CYP46A1: variants seen among roughly 807,000 people sequenced by gnomAD.
The protein encoded by CYP46A1 is cytochrome P450 family 46 subfamily A member 1.
In CYP46A1, 20 loss-of-function variants were observed where a neutral mutation model predicts 63.3. The ratio of observed to expected loss-of-function variants is 0.32; its 90% CI spans 0.22 to 0.46. The LOEUF is 0.46. Ranked by LOEUF, CYP46A1 falls within the 20% of genes least tolerant of loss-of-function variation. The pLI is 1.00. For synonymous variants in CYP46A1, 268 were observed against 273.6 expected (o/e 0.98, Z 0.20); for missense variants, 445 against 670.8 (o/e 0.66, Z 3.72).
chr14:99,721,791 C>T (rs564117769), intron 11 of CYP46A1, among the ~76,000 whole-genome samples, 165 bp from the exon 12 acceptor site: 48 of 152,178 alleles, frequency 3.2e-4, no homozygotes, highest in African/African-American at 1.0e-3. Context: ...CCATCTGTCA[C>T]GTGACGGTGA....
At chr14:99,724,626 G>A (rs1051898422) in intron 12 of CYP46A1, among the ~76,000 whole-genome samples, 2 of 152,184 alleles carry the variant, frequency 1.3e-5, no homozygotes, top group Non-Finnish European at 2.9e-5. Context: ...GTTAGGTGGG[G>A]GGAGTGGTGA....
In CYP46A1 at chr14:99,691,128, G is replaced by C; in HGVS notation, c.167G>C (p.Gly56Ala). ...TGCTTTTGGAAAAAGGATGAGGTTGGTGGCCGTGTGCTCCAAGATGTGTTT... is the reference window on the plus strand; with the variant it reads ...TGCTTTTGGAAAAAGGATGAGGTTGCTGGCCGTGTGCTCCAAGATGTGTTT... ...LPCFWKKDEV[G>A]GRVLQDVFLD... The change falls in exon 2 of 15, where the codon GGT (glycine) becomes GCT (alanine). Residue 56 changes from glycine (G) to alanine (A), a missense_variant. By Grantham distance (60) the Gly-to-Ala change is moderately conservative (BLOSUM62 0). Around this residue, in one of 4 missense-constraint regions of CYP46A1, gnomAD observed 252 missense variants for 383.3 expected, o/e 0.66. Transcript: ENST00000261835. 6.2e-7 allele frequency: 1 copy of C among 1,614,166 alleles called. No individual in the cohort carries two copies. The highest frequency in any genetic ancestry group is 8.5e-7 in the Non-Finnish European group (1 of 1,180,028).
At chr14:99,702,213 C>G (rs528097100) in intron 5 of CYP46A1, among the ~76,000 whole-genome samples, 2 of 152,162 alleles carry the variant, frequency 1.3e-5, no homozygotes, top group African/African-American at 4.8e-5. Flanking sequence ...AATATGTAGT[C>G]CTTTATGCCT....
intron 6 of CYP46A1, 63 bp from the exon 7 acceptor site, chr14:99,707,505 T>A: frequency 7.4e-7 from 1 of 1,354,900 alleles, no homozygotes; most frequent in Non-Finnish European, 1.1e-6. Context: ...GATGCCAGGC[T>A]TTGCCCTGGA....
intron 5 of CYP46A1, among the ~76,000 whole-genome samples, chr14:99,703,483 C>T (rs942770393): frequency 5.9e-5 from 9 of 152,168 alleles, no homozygotes; most frequent in African/African-American, 2.2e-4. Flanking sequence ...CATTCACCCT[C>T]AGTCTGCCCC....
chr14:99,708,025 C>T (rs1188047794), intron 7 of CYP46A1: 2 of 284,184 alleles, frequency 7.0e-6, no homozygotes, highest in Middle Eastern at 1.2e-3. Context: ...AAGATGGCTG[C>T]TGCGAAAGGT....
In CYP46A1 at chr14:99,684,370, C is replaced by G; in HGVS notation, c.-48C>G. On this transcript the variant is annotated 5_prime_UTR_variant, in exon 1 of 15. Transcript: ENST00000261835. ...GAGTCGGCTCGCGGCCTCCCGGCCC[C>G]CTCGGCGCCCGGCCCGACCCTGGCC... 1.7e-6 allele frequency: 2 copies of G among 1,204,930 alleles called. No individual in the cohort carries two copies. Among genetic ancestry groups the G allele is most frequent in the Non-Finnish European group, 2.1e-6 (2 of 956,296 alleles). 74.6% of individuals were successfully genotyped at this position (1,204,930 alleles called of 1,614,324 possible). A position where few individuals can be genotyped will look rare whatever the true frequency, so the allele number is the denominator to read the frequency against.
chr14:99,691,808 G>T lies in CYP46A1; in HGVS notation c.229G>T (p.Val77Phe). The change falls in exon 3 of 15, where the codon GTC (valine) becomes TTC (phenylalanine). Residue 77 changes from valine to phenylalanine, a missense_variant. Physicochemically the swap from Val to Phe is conservative, Grantham distance 50. Around this residue, in one of 4 missense-constraint regions of CYP46A1, gnomAD observed 252 missense variants for 383.3 expected, o/e 0.66. Transcript: ENST00000261835. ...TAAGAAGTATGGACCTGTTGTGCGG[G>T]TCAACGTCTTCCACAAAACCTCAGT... ...WAKKYGPVVRVNVFHKTSVIV... is the reference protein window; with the variant it reads ...WAKKYGPVVRFNVFHKTSVIV... The T allele has an allele frequency of 6.2e-7, 1 of 1,614,218 alleles. No homozygotes were observed. The highest frequency in any genetic ancestry group is 8.5e-7 in the Non-Finnish European group (1 of 1,180,040).
chr14:99,718,707 C>T (rs929473080), intron 10 of CYP46A1, among the ~76,000 whole-genome samples: 1 of 152,044 alleles, frequency 6.6e-6, no homozygotes, highest in Non-Finnish European at 1.5e-5. Flanking sequence ...TCTGAATGCA[C>T]CAACAGGCTG....
intron 9 of CYP46A1, 150 bp downstream of exon 9, chr14:99,716,349 C>G (rs2056790542): frequency 1.3e-6 from 1 of 762,746 alleles, no homozygotes; most frequent in Non-Finnish European, 2.2e-6. Context: ...GGAGCAGAAG[C>G]CCCATCTCCT....
chr14:99,694,644 C>T (rs1234226248), intron 3 of CYP46A1, among the ~76,000 whole-genome samples: 4 of 152,002 alleles, frequency 2.6e-5, no homozygotes, highest in South Asian at 2.1e-4. Context: ...GGATTACAGG[C>T]GCCCACCACT....
chr14:99,691,182 T>A (rs778463189), intron 2 of CYP46A1, 21 bp downstream of exon 2: 1 of 1,613,536 alleles, frequency 6.2e-7, no homozygotes, highest in East Asian at 2.2e-5. Context: ...ATTTGTCACT[T>A]GTTGCCCTTA....
At chr14:99,718,398 G>T (rs1013676464) in intron 10 of CYP46A1, among the ~76,000 whole-genome samples, 1 of 152,196 alleles carries the variant, frequency 6.6e-6, no homozygotes, top group African/African-American at 2.4e-5. Flanking sequence ...CGACTCATGA[G>T]TGTGTTTCCC....
intron 3 of CYP46A1, chr14:99,695,604 T>TTTTA (rs376658557): frequency 7.0e-6 from 1 of 142,852 alleles, no homozygotes; most frequent in Non-Finnish European, 1.5e-5. Flanking sequence ...CCATTCCAGC[T>TTTTA]TTATTATTAT....
chr14:99,696,119 G>A lies in CYP46A1; in HGVS notation c.283-3347G>A, dbSNP rs558811454. Among the ~76,000 whole-genome samples the A allele has an allele frequency of 3.9e-5, 6 of 152,276 alleles. No homozygotes were observed. In the East Asian group the frequency reaches 1.2e-3, roughly 29 times the overall value. On this transcript the variant is annotated intron_variant, in intron 3 of 14. Coordinates refer to ENST00000261835, the MANE Select transcript of CYP46A1 (RefSeq NM_006668.2). ...AGTGCTTAGGTTGTTTACATTTACT[G>A]TAATTATTGATATGGCTGTGTTTAA...
rs10600179 is a variant in CYP46A1 at position 99,722,644 on chromosome 14, C to CGTGTGTGTGTGTGTGT, written c.1176+598_1176+613dup. ...ATCTGAATTGTGTGTTTGCCATTCC[C>CGTGTGTGTGTGTGTGT]GTGTGTGTGTGTGTGTGTGTGTGTG... is the stretch of plus-strand genomic sequence containing the variant. On this transcript the variant is annotated intron_variant, in intron 12 of 14. Coordinates refer to ENST00000261835, the MANE Select transcript of CYP46A1 (RefSeq NM_006668.2). The surrounding 1 kb of genome is among the most constrained non-coding windows in gnomAD (Gnocchi z 4.6). Among the ~76,000 whole-genome samples, 6,668 of 142,088 alleles carry CGTGTGTGTGTGTGTGT rather than the reference C, an allele frequency of 0.047. 232 individuals carry two copies. Among genetic ancestry groups the CGTGTGTGTGTGTGTGT allele is most frequent in the South Asian group, 0.075 (309 of 4,126 alleles). The allele number at this position is 142,088 out of a possible 152,430, so 93.2% of individuals were successfully genotyped here.
chr14:99,714,938 G>A (rs2140133606), intron 7 of CYP46A1, among the ~76,000 whole-genome samples: 1 of 152,182 alleles, frequency 6.6e-6, no homozygotes, highest in Non-Finnish European at 1.5e-5. Flanking sequence ...CCACATACGT[G>A]GGAGCTAAAA....
intron 7 of CYP46A1, chr14:99,709,029 C>T (rs1254768126): frequency 6.6e-6 from 1 of 152,150 alleles, no homozygotes; most frequent in Non-Finnish European, 1.5e-5. Context: ...AAGCACCCTA[C>T]CCACCCAACA....
chr14:99,721,870 G>A, intron 11 of CYP46A1, 86 bp from the exon 12 acceptor site: 2 of 1,113,018 alleles, frequency 1.8e-6, no homozygotes, highest in Non-Finnish European at 2.7e-6. Context: ...GGGTGGGAAA[G>A]ACAGGGGTCC....
Sources: gnomAD v4.1 joint callset for allele counts (sites outside exome capture counted in the v4.1 genomes callset) on GRCh38, gnomAD v4.1.1 for gene constraint, gnomAD v4.1.1 regional missense constraint, Gnocchi (gnomAD v3.1) non-coding constraint, MANE v1.5 for transcripts, NCBI Gene and HGNC (gene_info 2026-07-23, HGNC 2026-07-21) for gene names.